Variants in SF3B3 observed in about 807,000 individuals in gnomAD.
The protein encoded by SF3B3 is splicing factor 3b subunit 3, also known as SAP 130.
Under a neutral mutation model 139.2 loss-of-function variants are expected in SF3B3, and 33 were observed. That is an observed-to-expected ratio of 0.24 (90% confidence interval 0.18 to 0.32). The LOEUF is 0.32. Among genes scored for constraint, SF3B3 ranks in the 10% least tolerant of loss-of-function variants. SF3B3 has a pLI of 1.00. For missense variants in SF3B3, 818 were observed against 1,509.4 expected, an observed-to-expected ratio of 0.54 and a Z score of 7.59; for synonymous variants, 596 against 563.6, an observed-to-expected ratio of 1.06 and a Z score of -0.81.
intron 24 of SF3B3, 146 bp downstream of exon 24, chr16:70,570,295 G>A (rs2050515764): frequency 4.0e-6 from 3 of 746,726 alleles, no homozygotes; most frequent in South Asian, 4.0e-5. Context: ...TGGGGAGATA[G>A]GAATCTTGAT....
In SF3B3 at chr16:70,573,401, G is replaced by T. The variant is rs1032158342; in HGVS notation, c.*1588G>T. The T allele has an allele frequency of 6.6e-6, 1 of 152,144 alleles. No individual in the cohort carries two copies. Among genetic ancestry groups the T allele is most frequent in the Non-Finnish European group, 1.5e-5 (1 of 68,034 alleles). 9.4% of individuals were successfully genotyped at this position (152,144 alleles called of 1,614,324 possible). On this transcript the variant is annotated 3_prime_UTR_variant, in exon 26 of 26. Transcript: ENST00000302516. Reference sequence around the variant, plus strand: ...CTCGCCTCTTTTCTAACTCAAGTTTGACTAAAATACATACACTCCGTACAG... The same window carrying T: ...CTCGCCTCTTTTCTAACTCAAGTTTTACTAAAATACATACACTCCGTACAG...
intron 10 of SF3B3, among the ~76,000 whole-genome samples, chr16:70,547,719 G>C (rs2050282224): frequency 1.3e-5 from 2 of 152,160 alleles, no homozygotes; most frequent in South Asian, 4.1e-4. Flanking sequence ...TCAGCCTCCC[G>C]AGTAGCTGGG....
chr16:70,523,837 G>A lies in SF3B3; in HGVS notation c.-162G>A, dbSNP rs2050016355. 3.7e-6 allele frequency: 2 copies of A among 544,966 alleles called. No homozygotes were observed. The highest frequency in any genetic ancestry group is 5.2e-5 in the South Asian group (2 of 38,374). 33.8% of individuals were successfully genotyped at this position (544,966 alleles called of 1,614,324 possible). A position where few individuals can be genotyped will look rare whatever the true frequency, so the allele number is the denominator to read the frequency against. On this transcript the variant is annotated 5_prime_UTR_variant, in exon 1 of 26. The change abolishes an upstream ATG in the 5' untranslated region. Transcript: ENST00000302516. ...GAATGTCCCTGTCTTGAGGTCTAAT[G>A]GCGGACGCCAGTATGTTGGAGTTGG...
At chr16:70,564,363 C>G (rs1202630276) in intron 18 of SF3B3, among the ~76,000 whole-genome samples, 1 of 152,188 alleles carries the variant, frequency 6.6e-6, no homozygotes, top group Non-Finnish European at 1.5e-5. Flanking sequence ...GGACACGAGA[C>G]TCTATCAAAA....
At position 70,565,004 on chromosome 16, in the gene SF3B3, C is replaced by T. The variant is rs77198396; in HGVS notation, c.2464-61C>T. ...CTGGAGTGTTCTTGCTACCTATCCTCTTCTCAGCCAGCCCCTACCTCTGAG... is the reference window on the plus strand; with the variant it reads ...CTGGAGTGTTCTTGCTACCTATCCTTTTCTCAGCCAGCCCCTACCTCTGAG... On this transcript the variant is annotated intron_variant, in intron 18 of 25. Coordinates refer to ENST00000302516, the MANE Select transcript of SF3B3 (RefSeq NM_012426.5). 9,389 of 1,526,326 alleles carry T rather than the reference C, an allele frequency of 6.2e-3. 516 individuals carry two copies. In the African/African-American group the frequency reaches 0.11, roughly 18 times the overall value. The allele number at this position is 1,526,326 out of a possible 1,614,324, so 94.5% of individuals were successfully genotyped here.
At position 70,523,890 on chromosome 16, in the gene SF3B3, G is replaced by A; in HGVS notation, c.-109G>A. 1 of 489,888 alleles carries A rather than the reference G, an allele frequency of 2.0e-6. No individual in the cohort carries two copies. The highest frequency in any genetic ancestry group is 3.6e-6 in the Non-Finnish European group (1 of 279,176). The allele number at this position is 489,888 out of a possible 1,614,324, so 30.3% of individuals were successfully genotyped here. ...GTGGCTTAAGTTTTGAAGGGAGGTA[G>A]CATCCGTTGGATATCCACACCATCC... On this transcript the variant is annotated 5_prime_UTR_variant, in exon 1 of 26. Coordinates refer to ENST00000302516, the MANE Select transcript of SF3B3 (RefSeq NM_012426.5).
At chr16:70,556,864 A>G (rs2151789788) in intron 14 of SF3B3, 22 bp from the exon 15 acceptor site, 2 of 1,613,558 alleles carry the variant, frequency 1.2e-6, no homozygotes, top group South Asian at 1.1e-5. Context: ...CTGTGTTTTT[A>G]TGATTTTTCT....
chr16:70,548,246 T>C, intron 10 of SF3B3, 124 bp from the exon 11 acceptor site: 1 of 757,966 alleles, frequency 1.3e-6, no homozygotes, highest in South Asian at 1.6e-5. Context: ...CTAGGTGGTT[T>C]CATCCTTTAA....
rs924563387 is a variant in SF3B3 at position 70,572,188 on chromosome 16, CTG to C, written c.*378_*379del. On this transcript the variant is annotated 3_prime_UTR_variant, in exon 26 of 26. Transcript: ENST00000302516. ...AATACAGTTTTGTACAATGTTATCT[CTG>C]TGGGAGGAAGGAGGCAGGCTGTGGT... The C allele has an allele frequency of 1.7e-4, 80 of 460,354 alleles. No homozygotes were observed. The highest frequency in any genetic ancestry group is 1.3e-3 in the African/African-American group (67 of 50,474). The allele number at this position is 460,354 out of a possible 1,614,324, so 28.5% of individuals were successfully genotyped here. A position where few individuals can be genotyped will look rare whatever the true frequency, so the allele number is the denominator to read the frequency against.
chr16:70,557,105 G>A, intron 15 of SF3B3, 76 bp downstream of exon 15: 1 of 1,439,830 alleles, frequency 6.9e-7, no homozygotes. Flanking sequence ...TTGATAACAG[G>A]GATTTTCTCT....
intron 9 of SF3B3, 76 bp from the exon 10 acceptor site, chr16:70,544,362 G>T: frequency 1.2e-6 from 1 of 804,976 alleles, no homozygotes; most frequent in South Asian, 1.5e-5. Flanking sequence ...CTGGATGTCT[G>T]GGATACTAGA....
At chr16:70,570,747 A>G (rs891074912) in intron 24 of SF3B3, among the ~76,000 whole-genome samples, 4 of 152,212 alleles carry the variant, frequency 2.6e-5, no homozygotes, top group Admixed American at 1.3e-4. Flanking sequence ...GCCAGGATTG[A>G]TGGGATGATC....
chr16:70,566,221 T>C, intron 20 of SF3B3, among the ~76,000 whole-genome samples: 1 of 151,612 alleles, frequency 6.6e-6, no homozygotes, highest in East Asian at 1.9e-4. Flanking sequence ...ATTCTGGAGG[T>C]GATAGTTACA....
chr16:70,528,321 C>A (rs1211868724), intron 2 of SF3B3, among the ~76,000 whole-genome samples: 1 of 151,498 alleles, frequency 6.6e-6, no homozygotes, highest in African/African-American at 2.4e-5. Context: ...CGTGCCACCA[C>A]ACCTGGCTAA....
chr16:70,532,629 C>A lies in SF3B3; in HGVS notation c.712+9C>A. 1.2e-6 allele frequency: 2 copies of A among 1,613,870 alleles called. No individual in the cohort carries two copies. Among genetic ancestry groups the A allele is most frequent in the African/African-American group, 2.7e-5 (2 of 75,052 alleles). ...CAACTTCCTTATTACAGGTACTTTT[C>A]TTTCAGAGCTGCTTTGTACCCTTTT... On this transcript the variant is annotated intron_variant, in intron 5 of 25. Coordinates refer to ENST00000302516, the MANE Select transcript of SF3B3 (RefSeq NM_012426.5).
chr16:70,570,022 A>G lies in SF3B3; in HGVS notation c.3281A>G (p.Asn1094Ser), dbSNP rs1439275603. The G allele has an allele frequency of 1.3e-5, 21 of 1,614,000 alleles. No individual in the cohort carries two copies. The highest frequency in any genetic ancestry group is 1.7e-5 in the Non-Finnish European group (20 of 1,180,010). ...GACTCACAGGCAGAGGTGATCATGA[A>G]CTACCATGTCGGGGAGACGGTGCTG... ...GASQKAEVIM[N>S]YHVGETVLSL... Residue 1094 changes from asparagine to serine, a missense_variant, in exon 24 of 26, where the codon AAC (asparagine) becomes AGC (serine). Transcript: ENST00000302516.
At chr16:70,553,821 T>C (rs940922629) in intron 11 of SF3B3, among the ~76,000 whole-genome samples, 96 of 152,224 alleles carry the variant, frequency 6.3e-4, no homozygotes, top group Non-Finnish European at 2.5e-4. Flanking sequence ...AGGATTGTTC[T>C]GTTTCTAAAT....
At chr16:70,554,969 G>A in intron 12 of SF3B3, 82 bp from the exon 13 acceptor site, 1 of 1,362,944 alleles carries the variant, frequency 7.3e-7, no homozygotes, top group Non-Finnish European at 1.0e-6. Flanking sequence ...TGATTTTAGT[G>A]ACAGATCTGA....
chr16:70,558,754 C>A (rs911671197), intron 15 of SF3B3, among the ~76,000 whole-genome samples: 2 of 152,016 alleles, frequency 1.3e-5, no homozygotes, highest in Admixed American at 6.6e-5. Context: ...CACCACTACG[C>A]CCGGCTAATT....
Sources: gnomAD v4.1 joint callset for allele counts (sites outside exome capture counted in the v4.1 genomes callset) on GRCh38, gnomAD v4.1.1 for gene constraint, MANE v1.5 for transcripts, NCBI Gene and HGNC (gene_info 2026-07-23, HGNC 2026-07-21) for gene names.